The following PCDH9 variants were observed in gnomAD, a reference collection of about 807,000 sequenced individuals.
PCDH9 encodes the protein protocadherin-9.
Under a neutral mutation model 70.6 loss-of-function variants are expected in PCDH9, and 24 were observed. The ratio of observed to expected loss-of-function variants is 0.34; its 90% CI spans 0.25 to 0.48. PCDH9 has a LOEUF of 0.48. Ranked by LOEUF, PCDH9 falls within the 20% of genes least tolerant of loss-of-function variation. PCDH9 has a pLI of 0.99. For synonymous variants in PCDH9, 562 were observed against 558.5 expected (o/e 1.01, Z -0.09); for missense variants, 1,281 against 1,503.6 (o/e 0.85, Z 2.45).
intron 2 of PCDH9, chr13:67,214,954 A>ATATATATATATATATATG (rs2089563574): frequency 4.2e-5 from 3 of 72,264 alleles, no homozygotes; most frequent in Non-Finnish European, 9.0e-5. Flanking sequence ...ATATATATAT[A>ATATATATATATATATATG]TATATATATA....
At chr13:66,516,658 T>C (rs1299200534) in intron 4 of PCDH9, among the ~76,000 whole-genome samples, 3 of 152,008 alleles carry the variant, frequency 2.0e-5, no homozygotes, top group African/African-American at 7.2e-5. Context: ...TCTTTAGGCA[T>C]TTGTCTACAT....
At chr13:66,823,248 T>C (rs947742533) in intron 3 of PCDH9, among the ~76,000 whole-genome samples, 5 of 152,104 alleles carry the variant, frequency 3.3e-5, no homozygotes, top group African/African-American at 1.2e-4. Flanking sequence ...ATTTATACAT[T>C]TTTAGCTGTC....
chr13:66,535,144 T>A (rs1471538411), intron 4 of PCDH9, among the ~76,000 whole-genome samples: 5 of 151,938 alleles, frequency 3.3e-5, no homozygotes, highest in African/African-American at 1.2e-4. Context: ...ATAATAATAA[T>A]AAAGTAACAA....
At chr13:67,050,027 T>C (rs1028342730) in intron 2 of PCDH9, among the ~76,000 whole-genome samples, 2 of 152,186 alleles carry the variant, frequency 1.3e-5, no homozygotes, top group Non-Finnish European at 2.9e-5. Context: ...TAAATGTTTC[T>C]CACAAGATTT....
intron 4 of PCDH9, among the ~76,000 whole-genome samples, chr13:66,385,928 G>A (rs1347463484): frequency 1.3e-5 from 2 of 151,186 alleles, no homozygotes; most frequent in Non-Finnish European, 2.9e-5. Context: ...GCATGTATTT[G>A]TGTTTAACGT....
intron 2 of PCDH9, among the ~76,000 whole-genome samples, chr13:67,058,012 A>G (rs1198323842): frequency 6.6e-6 from 1 of 152,202 alleles, no homozygotes; most frequent in Admixed American, 6.6e-5. Context: ...TCCAATTTGA[A>G]TAGCAGTGTG....
chr13:66,797,379 T>G (rs1302058607), intron 3 of PCDH9, among the ~76,000 whole-genome samples: 1 of 152,158 alleles, frequency 6.6e-6, no homozygotes, highest in Non-Finnish European at 1.5e-5. Context: ...ATATGTAGGA[T>G]TCCAATTAGA....
At position 67,227,151 on chromosome 13, in the gene PCDH9, C is replaced by T. The variant is rs1311632051; in HGVS notation, c.1290G>A (p.Glu430=). 8 of 1,613,808 alleles carry T rather than the reference C, an allele frequency of 5.0e-6. No homozygotes were observed. In the South Asian group the frequency reaches 6.6e-5, roughly 13 times the overall value. ...LLETSSLLDY[E]GTKEFSFKIV... ...TTTTAAAGCTGAATTCTTTGGTGCC[C>T]TCATAGTCCAACAAAGAAGAGGTCT... The change falls in exon 2 of 5, where the codon GAG becomes GAA. Residue 430 remains glutamate (E), a synonymous_variant. Coordinates refer to ENST00000377865, the MANE Select transcript of PCDH9 (RefSeq NM_203487.3). This position sits in a 1 kb window ranked among gnomAD's most constrained non-coding sequence, Gnocchi z 4.6.
In PCDH9 at chr13:66,774,940, T is replaced by G. The variant is rs1266852718; in HGVS notation, c.3138+128564A>C. On this transcript the variant is annotated intron_variant, in intron 3 of 4. Coordinates refer to ENST00000377865, the MANE Select transcript of PCDH9 (RefSeq NM_203487.3). ...CACTAGCTTGTTACTTTTCTTCATT[T>G]GATTTAATTTGGATATTATTTTCTA... Among the ~76,000 whole-genome samples the G allele has an allele frequency of 2.0e-5, 3 of 152,214 alleles. No homozygotes were observed. The East Asian group carries it at 5.8e-4, about 29-fold the overall frequency.
intron 2 of PCDH9, among the ~76,000 whole-genome samples, chr13:67,162,745 C>T (rs1257202265): frequency 3.3e-5 from 5 of 151,804 alleles, no homozygotes; most frequent in Non-Finnish European, 5.9e-5. Context: ...AGATCGAGTA[C>T]CCCCTAGACA....
At chr13:66,822,520 CGGAGTCTTGCTCTGTCACCTAGGCTGGAG>C (rs1223557952) in intron 3 of PCDH9, among the ~76,000 whole-genome samples, 3 of 121,012 alleles carry the variant, frequency 2.5e-5, no homozygotes, top group Admixed American at 1.0e-4. Flanking sequence ...TTTTTTGAGA[CGGAGTCTTGCTCTGTCACCTAGGCTGGAG>C]GGAGTCTTGC....
rs1225450927 is a variant in PCDH9, at chr13:66,779,815, A to ATC, written c.3138+123687_3138+123688dup. 5.0e-3 allele frequency among the ~76,000 whole-genome samples: 501 copies of ATC among 100,890 alleles called. 2 individuals carry two copies. Among genetic ancestry groups the ATC allele is most frequent in the African/African-American group, 8.5e-3 (213 of 24,970 alleles). The allele number at this position is 100,890 out of a possible 152,430, so 66.2% of individuals were successfully genotyped here. A position where few individuals can be genotyped will look rare whatever the true frequency, so the allele number is the denominator to read the frequency against. ...CAGCCTGGCAACAGAGCGAGACTCC[A>ATC]TCTCTCTCTCTCTCTCTCTCTCTCT... On this transcript the variant is annotated intron_variant, in intron 3 of 4. Transcript: ENST00000377865.
At chr13:66,835,762 A>G (rs2081007611) in intron 3 of PCDH9, among the ~76,000 whole-genome samples, 1 of 152,222 alleles carries the variant, frequency 6.6e-6, no homozygotes, top group Non-Finnish European at 1.5e-5. Flanking sequence ...AGACTGTTAT[A>G]TATTATACAA....
intron 4 of PCDH9, among the ~76,000 whole-genome samples, chr13:66,407,565 T>G (rs1296080451): frequency 6.6e-6 from 1 of 152,158 alleles, no homozygotes; most frequent in African/African-American, 2.4e-5. Flanking sequence ...AAACTTAATT[T>G]AGAACATTTC....
intron 2 of PCDH9, among the ~76,000 whole-genome samples, chr13:66,945,956 C>T (rs1269496740): frequency 6.6e-6 from 1 of 152,188 alleles, no homozygotes; most frequent in East Asian, 1.9e-4. Context: ...TACATTTCTA[C>T]TGATAATATA....
intron 3 of PCDH9, among the ~76,000 whole-genome samples, chr13:66,762,837 C>T (rs1468593964): frequency 1.3e-5 from 2 of 151,598 alleles, no homozygotes; most frequent in Non-Finnish European, 2.9e-5. Context: ...TGTGAATATC[C>T]AAATTCATTA....
chr13:66,719,463 T>G (rs2078913148), intron 3 of PCDH9, among the ~76,000 whole-genome samples: 1 of 152,152 alleles, frequency 6.6e-6, no homozygotes, highest in Admixed American at 6.5e-5. Flanking sequence ...CTCCACCATG[T>G]GAGGACTCAG....
At chr13:66,942,041 C>T (rs528244973) in intron 2 of PCDH9, among the ~76,000 whole-genome samples, 155 of 151,710 alleles carry the variant, frequency 1.0e-3, no homozygotes, top group Non-Finnish European at 2.0e-3. Context: ...TATTTGTAAA[C>T]GAAGTACTAC....
At position 66,303,124 on chromosome 13, in the gene PCDH9, T is replaced by G. The variant is rs28657574; in HGVS notation, c.*1531A>C. 1 of 151,408 alleles carries G rather than the reference T, an allele frequency of 6.6e-6. No individual in the cohort carries two copies. The highest frequency in any genetic ancestry group is 1.5e-5 in the Non-Finnish European group (1 of 67,598). The allele number at this position is 151,408 out of a possible 1,614,324, so 9.4% of individuals were successfully genotyped here. On this transcript the variant is annotated 3_prime_UTR_variant, in exon 5 of 5. Transcript: ENST00000377865. ...TTTTAAATTTTTTGTTTTTTTTTTG[T>G]TTTTTTTACTTTTAAATTGATGGTG...
Sources: gnomAD v4.1 joint callset for allele counts (sites outside exome capture counted in the v4.1 genomes callset) on GRCh38, gnomAD v4.1.1 for gene constraint, Gnocchi (gnomAD v3.1) non-coding constraint, MANE v1.5 for transcripts, NCBI Gene and HGNC (gene_info 2026-07-23, HGNC 2026-07-21) for gene names.